Variants in MEIKIN observed in about 807,000 individuals in gnomAD.
MEIKIN encodes the protein meiotic kinetochore factor, also known as meiosis-specific kinetochore protein.
chr5:131,913,118 A>C (rs1286793016), intron 7 of MEIKIN, among the ~76,000 whole-genome samples: 1 of 152,178 alleles, frequency 6.6e-6, no homozygotes, highest in African/African-American at 2.4e-5. Flanking sequence ...TTGGAGGTTT[A>C]CCTATCACTG....
chr5:131,881,690 C>T (rs143345151), intron 8 of MEIKIN, among the ~76,000 whole-genome samples: 7 of 152,162 alleles, frequency 4.6e-5, no homozygotes, highest in African/African-American at 1.2e-4. Flanking sequence ...TATATAATAA[C>T]AGTCACAATC....
At chr5:131,929,505 G>T (rs1751645425) in intron 5 of MEIKIN, among the ~76,000 whole-genome samples, 1 of 151,800 alleles carries the variant, frequency 6.6e-6, no homozygotes. Context: ...TTCACTAATG[G>T]CATAATGCTA....
chr5:131,882,384 T>G (rs1750715513), intron 8 of MEIKIN, among the ~76,000 whole-genome samples: 1 of 152,170 alleles, frequency 6.6e-6, no homozygotes, highest in Non-Finnish European at 1.5e-5. Context: ...TCTTGGAAGC[T>G]TGGAATTTCT....
chr5:131,929,605 G>T (rs566757403), intron 5 of MEIKIN, among the ~76,000 whole-genome samples: 32 of 152,212 alleles, frequency 2.1e-4, no homozygotes, highest in African/African-American at 7.7e-4. Flanking sequence ...TGTCACTGGG[G>T]CTTGGTGTAC....
At chr5:131,885,228 C>G (rs540187012) in intron 8 of MEIKIN, among the ~76,000 whole-genome samples, 1 of 151,994 alleles carries the variant, frequency 6.6e-6, no homozygotes, top group African/African-American at 2.4e-5. Flanking sequence ...TTGGGTGAGA[C>G]CCAGTGCTGT....
intron 9 of MEIKIN, among the ~76,000 whole-genome samples, chr5:131,869,369 G>A (rs1750445374): frequency 6.6e-6 from 1 of 152,074 alleles, no homozygotes; most frequent in South Asian, 2.1e-4. Flanking sequence ...AACCCATACT[G>A]TCTTGATTAC....
chr5:131,933,049 G>T (rs1580913837), intron 5 of MEIKIN, among the ~76,000 whole-genome samples: 1 of 152,126 alleles, frequency 6.6e-6, no homozygotes, highest in East Asian at 1.9e-4. Context: ...AGATTGTAGA[G>T]TAAGGCATGT....
At chr5:131,879,784 C>T (rs757645383) in intron 8 of MEIKIN, among the ~76,000 whole-genome samples, 1 of 152,222 alleles carries the variant, frequency 6.6e-6, no homozygotes, top group African/African-American at 2.4e-5. Context: ...TAACCTGGCT[C>T]CTTTTTATGT....
chr5:131,943,493 A>T (rs1351667339), intron 3 of MEIKIN, among the ~76,000 whole-genome samples: 5 of 152,224 alleles, frequency 3.3e-5, no homozygotes, highest in Non-Finnish European at 4.4e-5. Context: ...TCAATTTCCC[A>T]ACCACAGGGA....
chr5:131,819,598 CTTT>C (rs34041769), intron 11 of MEIKIN, among the ~76,000 whole-genome samples: 5 of 130,650 alleles, frequency 3.8e-5, no homozygotes, highest in African/African-American at 5.5e-5. Context: ...TAGAAACTTC[CTTT>C]TTTTTTTTTT....
chr5:131,826,739 G>A (rs1388024599), intron 11 of MEIKIN, among the ~76,000 whole-genome samples: 2 of 150,218 alleles, frequency 1.3e-5, no homozygotes, highest in Non-Finnish European at 2.9e-5. Flanking sequence ...CACTTCCCCT[G>A]CGCTCTCTCT....
At chr5:131,883,800 C>T (rs116307286) in intron 8 of MEIKIN, among the ~76,000 whole-genome samples, 28 of 152,300 alleles carry the variant, frequency 1.8e-4, no homozygotes, top group African/African-American at 6.5e-4. Context: ...CAATGCCACA[C>T]CTCCTTCATC....
At chr5:131,915,052 C>T (rs1159472193) in intron 7 of MEIKIN, among the ~76,000 whole-genome samples, 1 of 152,134 alleles carries the variant, frequency 6.6e-6, no homozygotes, top group Non-Finnish European at 1.5e-5. Context: ...TCTCTTAATT[C>T]CTGGGCATTG....
intron 11 of MEIKIN, among the ~76,000 whole-genome samples, chr5:131,844,826 G>A (rs1351035330): frequency 6.6e-6 from 1 of 151,948 alleles, no homozygotes; most frequent in East Asian, 1.9e-4. Context: ...AAAAACAACT[G>A]CATATACAAG....
chr5:131,855,802 AAG>A (rs1189804487), intron 9 of MEIKIN, among the ~76,000 whole-genome samples: 1 of 152,176 alleles, frequency 6.6e-6, no homozygotes, highest in African/African-American at 2.4e-5. Flanking sequence ...TTGAGACTGC[AAG>A]AGAGAGAAAA....
At chr5:131,858,570 A>T (rs1050417533) in intron 9 of MEIKIN, among the ~76,000 whole-genome samples, 1 of 152,228 alleles carries the variant, frequency 6.6e-6, no homozygotes, top group African/African-American at 2.4e-5. Context: ...AACAAAAACA[A>T]AAATTGACAA....
chr5:131,846,003 G>C (rs767263557), intron 11 of MEIKIN, among the ~76,000 whole-genome samples: 19 of 152,126 alleles, frequency 1.2e-4, no homozygotes, highest in Non-Finnish European at 2.6e-4. Flanking sequence ...TAGAAAGAAA[G>C]ACAAAGAATC....
At chr5:131,920,635 T>C (rs1030865658) in intron 6 of MEIKIN, among the ~76,000 whole-genome samples, 13 of 152,168 alleles carry the variant, frequency 8.5e-5, no homozygotes, top group Admixed American at 5.2e-4. Context: ...TGATATGATA[T>C]GATACACTGC....
At chr5:131,906,058 A>G (rs1751237707) in intron 8 of MEIKIN, among the ~76,000 whole-genome samples, 1 of 152,216 alleles carries the variant, frequency 6.6e-6, no homozygotes, top group South Asian at 2.1e-4. Flanking sequence ...GCTTCTGCAC[A>G]GCAAAAGAAA....
Sources: gnomAD v4.1 joint callset for allele counts (sites outside exome capture counted in the v4.1 genomes callset) on GRCh38, gnomAD v4.1.1 for gene constraint, MANE v1.5 for transcripts, NCBI Gene and HGNC (gene_info 2026-07-23, HGNC 2026-07-21) for gene names.